ROBO2: variants seen among roughly 807,000 people sequenced by gnomAD.
The protein encoded by ROBO2 is roundabout guidance receptor 2, also known as roundabout homolog 2.
Under a neutral mutation model 160.8 loss-of-function variants are expected in ROBO2, and 53 were observed. That is an observed-to-expected ratio of 0.33 (90% CI 0.26 to 0.41). ROBO2 has a LOEUF of 0.41. ROBO2 is among the 10% of genes least tolerant of loss of function. The probability of loss-of-function intolerance (pLI) is 1.00; values close to 1 mark genes in which losing one functional copy is unlikely to be tolerated. For synonymous variants in ROBO2, 664 were observed against 611.7 expected, an observed-to-expected ratio of 1.09 and a Z score of -1.26; for missense variants, 1,577 against 1,722.4, an observed-to-expected ratio of 0.92 and a Z score of 1.49.
intron 2 of ROBO2, among the ~76,000 whole-genome samples, chr3:76,504,506 C>G (rs1332686330): frequency 2.1e-5 from 3 of 144,406 alleles, no homozygotes; most frequent in Non-Finnish European, 3.0e-5. Flanking sequence ...CATCAGTAAG[C>G]TTAGAAAATA....
chr3:77,232,975 T>C (rs1560299578), intron 2 of ROBO2, among the ~76,000 whole-genome samples: 1 of 152,142 alleles, frequency 6.6e-6, no homozygotes, highest in Non-Finnish European at 1.5e-5. Context: ...CCAATACCAG[T>C]TGCATCTGAG....
chr3:76,512,309 T>C (rs1224910328), intron 2 of ROBO2, among the ~76,000 whole-genome samples: 1 of 96,050 alleles, frequency 1.0e-5, no homozygotes, highest in Non-Finnish European at 2.0e-5. Flanking sequence ...TGCAGAAATT[T>C]ATATATATAT....
At chr3:76,146,934 T>C (rs906445952) in intron 2 of ROBO2, among the ~76,000 whole-genome samples, 2 of 148,572 alleles carry the variant, frequency 1.3e-5, no homozygotes, top group Non-Finnish European at 3.0e-5. Flanking sequence ...ACATATACCC[T>C]GTATAGAGGG....
chr3:77,271,084 A>G (rs2059461407), intron 2 of ROBO2, among the ~76,000 whole-genome samples: 1 of 152,074 alleles, frequency 6.6e-6, no homozygotes, highest in Admixed American at 6.5e-5. Context: ...GGATTTCCAC[A>G]TTTTTTGTGC....
At chr3:77,609,791 C>CATAT (rs34908269) in intron 21 of ROBO2, among the ~76,000 whole-genome samples, 5,459 of 143,614 alleles carry the variant, frequency 0.038, 177 homozygotes, top group African/African-American at 0.091. Flanking sequence ...TTTATATATA[C>CATAT]ATATATATAT....
At chr3:76,934,302 G>A (rs777108974) in intron 2 of ROBO2, among the ~76,000 whole-genome samples, 52 of 151,964 alleles carry the variant, frequency 3.4e-4, no homozygotes, top group Non-Finnish European at 6.8e-4. Flanking sequence ...CTTTCAAAAC[G>A]TGATGATTCT....
At chr3:76,293,718 CA>C (rs1458108799) in intron 2 of ROBO2, among the ~76,000 whole-genome samples, 1 of 152,196 alleles carries the variant, frequency 6.6e-6, no homozygotes, top group Non-Finnish European at 1.5e-5. Context: ...TCTAAAGCCT[CA>C]AGATCACCTT....
intron 1 of ROBO2, among the ~76,000 whole-genome samples, chr3:75,932,560 C>T (rs1481262259): frequency 6.6e-6 from 1 of 152,114 alleles, no homozygotes; most frequent in Non-Finnish European, 1.5e-5. Flanking sequence ...TAGCAGGCAT[C>T]GTGTGTTATT....
At chr3:77,240,932 A>G (rs2088943258) in intron 2 of ROBO2, among the ~76,000 whole-genome samples, 1 of 152,198 alleles carries the variant, frequency 6.6e-6, no homozygotes, top group Non-Finnish European at 1.5e-5. Flanking sequence ...AGCCTCCAGT[A>G]ATTCTAAATT....
chr3:76,868,160 C>T (rs898748248), intron 2 of ROBO2, among the ~76,000 whole-genome samples: 6 of 152,122 alleles, frequency 3.9e-5, no homozygotes, highest in African/African-American at 7.2e-5. Flanking sequence ...TTGTAAGTTA[C>T]GATTTGTTTT....
At chr3:76,834,733 C>A (rs2067524083) in intron 2 of ROBO2, among the ~76,000 whole-genome samples, 1 of 152,056 alleles carries the variant, frequency 6.6e-6, no homozygotes, top group African/African-American at 2.4e-5. Flanking sequence ...AACCCCTGGC[C>A]TCAAATGATT....
At chr3:76,738,687 GC>G (rs2093753710) in intron 2 of ROBO2, among the ~76,000 whole-genome samples, 1 of 152,136 alleles carries the variant, frequency 6.6e-6, no homozygotes, top group Non-Finnish European at 1.5e-5. Context: ...TGGAGTGCTG[GC>G]AATATATATG....
chr3:76,993,018 A>G lies in ROBO2; in HGVS notation c.110-104996A>G, dbSNP rs147920691. Among the ~76,000 whole-genome samples, 70 of 152,120 alleles carry G rather than the reference A, an allele frequency of 4.6e-4. No homozygotes were observed. In the East Asian group the frequency reaches 0.012, roughly 27 times the overall value. On this transcript the variant is annotated intron_variant, in intron 2 of 26. Coordinates refer to the ROBO2 transcript ENST00000487694. Reference sequence around the variant, plus strand: ...TTTTTAGTAGAGATGATGTTTCACCATGTTTGCCAGGCTGGTCTCAAACTC... The same window carrying G: ...TTTTTAGTAGAGATGATGTTTCACCGTGTTTGCCAGGCTGGTCTCAAACTC...
intron 2 of ROBO2, among the ~76,000 whole-genome samples, chr3:77,390,422 C>T (rs140860629): frequency 2.4e-4 from 37 of 152,200 alleles, no homozygotes; most frequent in East Asian, 2.3e-3. Flanking sequence ...AATTGAATCA[C>T]GGGGATGGGT....
intron 2 of ROBO2, among the ~76,000 whole-genome samples, chr3:76,024,383 T>TA (rs1174640579): frequency 7.9e-6 from 1 of 126,910 alleles, no homozygotes; most frequent in Non-Finnish European, 1.7e-5. Flanking sequence ...TTTTTTTTTT[T>TA]AAAAACCTTG....
At chr3:76,791,876 G>T (rs2063376707) in intron 2 of ROBO2, among the ~76,000 whole-genome samples, 1 of 151,704 alleles carries the variant, frequency 6.6e-6, no homozygotes, top group Non-Finnish European at 1.5e-5. Flanking sequence ...TAAAAATACA[G>T]TATAACAGCT....
At chr3:77,180,599 T>C (rs2080681907) in intron 2 of ROBO2, among the ~76,000 whole-genome samples, 1 of 151,242 alleles carries the variant, frequency 6.6e-6, no homozygotes, top group Non-Finnish European at 1.5e-5. Context: ...TCTATTTTTC[T>C]ATATACCATA....
chr3:77,272,419 G>A (rs11924337), intron 2 of ROBO2, among the ~76,000 whole-genome samples: 5 of 151,872 alleles, frequency 3.3e-5, no homozygotes, highest in Non-Finnish European at 4.4e-5. Flanking sequence ...AGAAGGGCGG[G>A]GGGGAGGTGT....
chr3:76,901,550 A>G (rs1474554582), intron 2 of ROBO2, among the ~76,000 whole-genome samples: 8 of 140,536 alleles, frequency 5.7e-5, no homozygotes, highest in Non-Finnish European at 1.2e-4. Flanking sequence ...CCTGGGCAAC[A>G]AGAGCAAAAT....
Sources: gnomAD v4.1 joint callset for allele counts (sites outside exome capture counted in the v4.1 genomes callset) on GRCh38, gnomAD v4.1.1 for gene constraint, MANE v1.5 for transcripts, NCBI Gene and HGNC (gene_info 2026-07-23, HGNC 2026-07-21) for gene names.